The following GSK3B variants were observed in gnomAD, a reference collection of about 807,000 sequenced individuals.
The protein encoded by GSK3B is glycogen synthase kinase-3 beta.
GSK3B carries 15 observed loss-of-function variants against 56.4 expected under a neutral mutation model. That is an observed-to-expected ratio of 0.27 (90% CI 0.18 to 0.41). The LOEUF (loss-of-function observed/expected upper bound fraction) is 0.41, where lower values mean the gene tolerates loss of function less well. Among genes scored for constraint, GSK3B ranks in the 10% least tolerant of loss-of-function variants. The pLI is 1.00. For missense variants in GSK3B, 300 were observed against 513.4 expected (o/e 0.58, Z 4.02); for synonymous variants, 181 against 188.9 (o/e 0.96, Z 0.34).
chr3:119,856,773 T>C (rs1286270462), intron 9 of GSK3B, among the ~76,000 whole-genome samples: 1 of 147,942 alleles, frequency 6.8e-6, no homozygotes, highest in Non-Finnish European at 1.5e-5. Context: ...TGATGTGTCC[T>C]ACACACATCA....
chr3:119,977,871 T>C (rs1003122671), intron 2 of GSK3B, among the ~76,000 whole-genome samples: 5 of 152,062 alleles, frequency 3.3e-5, no homozygotes, highest in African/African-American at 1.2e-4. Context: ...ACTTAGAAAA[T>C]GTTGTCATAA....
chr3:119,996,491 T>C (rs955886172), intron 2 of GSK3B, among the ~76,000 whole-genome samples: 2 of 152,214 alleles, frequency 1.3e-5, no homozygotes, highest in African/African-American at 4.8e-5. Context: ...AGGTTACTTG[T>C]TCCTCTCTGT....
At chr3:119,938,266 AC>A (rs1202547924) in intron 3 of GSK3B, among the ~76,000 whole-genome samples, 1 of 152,166 alleles carries the variant, frequency 6.6e-6, no homozygotes, top group African/African-American at 2.4e-5. Flanking sequence ...AGCACTTCTT[AC>A]CTCATTCTAC....
chr3:119,960,324 A>G (rs552033789), intron 2 of GSK3B, among the ~76,000 whole-genome samples: 50 of 152,096 alleles, frequency 3.3e-4, no homozygotes, highest in Non-Finnish European at 5.4e-4. Context: ...AGAGAAGTCA[A>G]TGTGGTTATA....
intron 8 of GSK3B, among the ~76,000 whole-genome samples, chr3:119,875,544 CACAG>C (rs1366840237): frequency 8.1e-6 from 1 of 123,874 alleles, no homozygotes; most frequent in Non-Finnish European, 1.7e-5. Context: ...CACACACACA[CACAG>C]AAGTTTAATC....
In GSK3B at chr3:119,987,191, C is replaced by T. The variant is rs146132420; in HGVS notation, c.282+14855G>A. ...GGGACTGTAAGGGGATGAGGGACTG[C>T]GGGGAGGGATAGCATTAGGAGAAAT... On this transcript the variant is annotated intron_variant, in intron 2 of 10. Coordinates refer to ENST00000264235, the MANE Select transcript of GSK3B (RefSeq NM_001146156.2). 2.9e-4 allele frequency among the ~76,000 whole-genome samples: 44 copies of T among 152,094 alleles called. No individual in the cohort carries two copies. In the East Asian group the frequency reaches 3.3e-3, roughly 11 times the overall value.
At chr3:120,013,066 TA>T (rs1412599304) in intron 1 of GSK3B, among the ~76,000 whole-genome samples, 1 of 152,136 alleles carries the variant, frequency 6.6e-6, no homozygotes, top group Non-Finnish European at 1.5e-5. Context: ...CTCAATCTCC[TA>T]AAAACAGGAT....
At chr3:119,879,674 T>C (rs2056357202) in intron 7 of GSK3B, among the ~76,000 whole-genome samples, 2 of 152,184 alleles carry the variant, frequency 1.3e-5, no homozygotes, top group South Asian at 4.1e-4. Context: ...CTAACCATCA[T>C]TCTACTCCCT....
intron 9 of GSK3B, among the ~76,000 whole-genome samples, chr3:119,862,731 A>G (rs2056124488): frequency 6.9e-6 from 1 of 145,814 alleles, no homozygotes; most frequent in Admixed American, 7.0e-5. Flanking sequence ...TAAGAAAGTC[A>G]CATCAGCAGA....
At chr3:120,003,966 A>G (rs776390742) in intron 1 of GSK3B, among the ~76,000 whole-genome samples, 5 of 152,160 alleles carry the variant, frequency 3.3e-5, no homozygotes, top group Non-Finnish European at 5.9e-5. Flanking sequence ...GGAAGTGCAA[A>G]GGGTTGGGGG....
chr3:119,890,733 G>T (rs1306705013), intron 7 of GSK3B, among the ~76,000 whole-genome samples: 1 of 128,592 alleles, frequency 7.8e-6, no homozygotes, highest in African/African-American at 3.5e-5. Flanking sequence ...CTATTAACTT[G>T]ATTTAAAAAG....
chr3:119,873,675 A>G (rs2056274540), intron 8 of GSK3B, among the ~76,000 whole-genome samples: 1 of 152,112 alleles, frequency 6.6e-6, no homozygotes, highest in Non-Finnish European at 1.5e-5. Flanking sequence ...TCTTATAATA[A>G]CCTATTTAAA....
intron 1 of GSK3B, among the ~76,000 whole-genome samples, chr3:120,042,491 G>A (rs919161492): frequency 5.3e-5 from 8 of 152,258 alleles, no homozygotes; most frequent in African/African-American, 1.4e-4. Flanking sequence ...TTATCCCTTG[G>A]GGAAAGGAGT....
chr3:120,028,867 T>G, intron 1 of GSK3B: 1 of 455,778 alleles, frequency 2.2e-6, no homozygotes, highest in South Asian at 2.3e-5. Flanking sequence ...AGACGCAGGT[T>G]TGGCTTCTTC....
intron 3 of GSK3B, among the ~76,000 whole-genome samples, chr3:119,932,504 GTTTT>G (rs199622255): frequency 7.2e-6 from 1 of 139,492 alleles, no homozygotes; most frequent in Non-Finnish European, 1.6e-5. Context: ...TTACCAAAGG[GTTTT>G]TTTTTTTTTT....
chr3:119,914,208 T>TA (rs997559773), intron 5 of GSK3B, among the ~76,000 whole-genome samples: 65 of 152,028 alleles, frequency 4.3e-4, no homozygotes, highest in Non-Finnish European at 8.8e-4. Context: ...TTTCATCTAG[T>TA]AAAAAAATAA....
At chr3:119,880,558 T>C (rs974080824) in intron 7 of GSK3B, among the ~76,000 whole-genome samples, 10 of 152,146 alleles carry the variant, frequency 6.6e-5, no homozygotes, top group Non-Finnish European at 1.3e-4. Flanking sequence ...TTGGGTAAGA[T>C]AGATGGAAGG....
chr3:120,073,149 G>A (rs569149521), intron 1 of GSK3B, among the ~76,000 whole-genome samples: 11 of 148,780 alleles, frequency 7.4e-5, no homozygotes, highest in African/African-American at 2.5e-4. Context: ...CACTCTGAGA[G>A]GACAAGGCAG....
At chr3:119,950,853 C>T (rs1245657137) in intron 2 of GSK3B, among the ~76,000 whole-genome samples, 1 of 152,200 alleles carries the variant, frequency 6.6e-6, no homozygotes, top group Non-Finnish European at 1.5e-5. Flanking sequence ...CATCCCCCTA[C>T]AACCACCCAA....
Sources: gnomAD v4.1 joint callset for allele counts (sites outside exome capture counted in the v4.1 genomes callset) on GRCh38, gnomAD v4.1.1 for gene constraint, MANE v1.5 for transcripts, NCBI Gene and HGNC (gene_info 2026-07-23, HGNC 2026-07-21) for gene names.